The following CCDC7 variants were observed in gnomAD, a reference collection of about 807,000 sequenced individuals.
The protein encoded by CCDC7 is coiled-coil domain containing 7.
In CCDC7, 183 loss-of-function variants were observed where a neutral mutation model predicts 196.9. That is an observed-to-expected ratio of 0.93 (90% confidence interval 0.82 to 1.05). The LOEUF is 1.05. Among genes scored for constraint, CCDC7 ranks in the 50% least tolerant of loss-of-function variants. The pLI is 0.00. For synonymous variants in CCDC7, 525 were observed against 484.6 expected (o/e 1.08, Z -1.10); for missense variants, 1,540 against 1,482.2 (o/e 1.04, Z -0.64).
chr10:32,848,495 A>G, intron 38 of CCDC7, 101 bp from the exon 40 acceptor site: 2 of 889,820 alleles, frequency 2.2e-6, no homozygotes, highest in Non-Finnish European at 3.4e-6. Context: ...GTGGGAAGAA[A>G]AATTACCAAG....
intron 28 of CCDC7, among the ~76,000 whole-genome samples, chr10:32,731,553 T>G (rs1296107091): frequency 6.6e-6 from 1 of 152,216 alleles, no homozygotes; most frequent in Non-Finnish European, 1.5e-5. Context: ...TTATAAAAAC[T>G]TTTTAAAATG....
chr10:32,653,323 G>A (rs1032563703), intron 20 of CCDC7, among the ~76,000 whole-genome samples: 3 of 152,032 alleles, frequency 2.0e-5, no homozygotes, highest in Non-Finnish European at 4.4e-5. Flanking sequence ...CTAACCTGGT[G>A]CTGTGTTTTA....
At chr10:32,509,448 C>T (rs1021987053) in intron 9 of CCDC7, among the ~76,000 whole-genome samples, 11 of 150,994 alleles carry the variant, frequency 7.3e-5, no homozygotes, top group African/African-American at 2.7e-4. Context: ...CGTAAAACTC[C>T]TCGATGAAAA....
intron 21 of CCDC7, among the ~76,000 whole-genome samples, chr10:32,665,936 A>G (rs1319641429): frequency 6.6e-6 from 1 of 151,838 alleles, no homozygotes; most frequent in Non-Finnish European, 1.5e-5. Flanking sequence ...ATTTATTCCT[A>G]GGAACTTAAT....
At chr10:32,573,790 C>T (rs2057869298) in intron 16 of CCDC7, among the ~76,000 whole-genome samples, 1 of 152,098 alleles carries the variant, frequency 6.6e-6, no homozygotes, top group African/African-American at 2.4e-5. Flanking sequence ...TAATTCATTT[C>T]AATTCAGTTT....
chr10:32,592,252 C>T (rs1046504421), intron 18 of CCDC7, among the ~76,000 whole-genome samples: 3 of 151,966 alleles, frequency 2.0e-5, no homozygotes, highest in African/African-American at 7.2e-5. Context: ...TTCAATCTAG[C>T]TAAATGTCTC....
At chr10:32,876,237 T>A in intron 41 of CCDC7, 110 bp from the exon 43 acceptor site, 1 of 772,228 alleles carries the variant, frequency 1.3e-6, no homozygotes, top group East Asian at 2.8e-5. Context: ...ATTTTCATTG[T>A]TTATATTATT....
intron 16 of CCDC7, among the ~76,000 whole-genome samples, chr10:32,578,199 G>A (rs1237599975): frequency 6.6e-6 from 1 of 151,996 alleles, no homozygotes; most frequent in East Asian, 1.9e-4. Flanking sequence ...TGTAAAATGT[G>A]ATATCACCAC....
chr10:32,479,892 A>T (rs1168916927), intron 8 of CCDC7, among the ~76,000 whole-genome samples: 2 of 146,586 alleles, frequency 1.4e-5, no homozygotes, highest in African/African-American at 5.0e-5. Flanking sequence ...CTTATTAATT[A>T]CTAGTCTGTT....
chr10:32,862,987 T>C (rs1045134666), intron 41 of CCDC7, among the ~76,000 whole-genome samples: 6 of 152,006 alleles, frequency 3.9e-5, no homozygotes, highest in Admixed American at 3.9e-4. Flanking sequence ...AAAACATTGA[T>C]GGAAGAAATT....
intron 11 of CCDC7, among the ~76,000 whole-genome samples, chr10:32,534,633 A>G (rs1208940483): frequency 6.6e-6 from 1 of 152,126 alleles, no homozygotes; most frequent in Non-Finnish European, 1.5e-5. Flanking sequence ...CAGCTCTAGT[A>G]AATGATGAGA....
intron 29 of CCDC7, among the ~76,000 whole-genome samples, chr10:32,802,128 G>A (rs761601362): frequency 9.2e-5 from 14 of 152,086 alleles, no homozygotes; most frequent in Non-Finnish European, 1.8e-4. Flanking sequence ...CTCACTTAGG[G>A]CAACCTTAGA....
At chr10:32,800,354 A>G (rs1281384450) in intron 29 of CCDC7, among the ~76,000 whole-genome samples, 2 of 152,152 alleles carry the variant, frequency 1.3e-5, no homozygotes, top group African/African-American at 2.4e-5. Context: ...CAGGGAGCCA[A>G]TGTGGAGGTT....
intron 29 of CCDC7, among the ~76,000 whole-genome samples, chr10:32,793,465 T>C (rs1197809569): frequency 6.6e-6 from 1 of 152,214 alleles, no homozygotes; most frequent in East Asian, 1.9e-4. Flanking sequence ...CATGTTTTTT[T>C]CTCCCTTTCT....
intron 37 of CCDC7, 70 bp from the exon 39 acceptor site, chr10:32,847,763 G>T (rs942686530): frequency 2.2e-6 from 2 of 900,516 alleles, no homozygotes; most frequent in African/African-American, 1.7e-5. Flanking sequence ...AAAGAAAAAA[G>T]AACTAAAATA....
intron 13 of CCDC7, among the ~76,000 whole-genome samples, chr10:32,550,707 C>A (rs2053337804): frequency 6.6e-6 from 1 of 151,984 alleles, no homozygotes; most frequent in African/African-American, 2.4e-5. Context: ...CATTTATTGA[C>A]TTGGGTATAT....
intron 3 of CCDC7, among the ~76,000 whole-genome samples, chr10:32,457,700 T>C (rs2034661336): frequency 6.6e-6 from 1 of 152,158 alleles, no homozygotes; most frequent in African/African-American, 2.4e-5. Context: ...TTTATTATCT[T>C]TTTTCTTTTT....
intron 18 of CCDC7, among the ~76,000 whole-genome samples, chr10:32,589,690 C>T (rs1016980028): frequency 6.6e-6 from 1 of 152,064 alleles, no homozygotes; most frequent in Non-Finnish European, 1.5e-5. Flanking sequence ...CTATGTCTTT[C>T]TTTAGCTTTA....
chr10:32,823,285 G>A (rs577950915), intron 31 of CCDC7, among the ~76,000 whole-genome samples: 1 of 152,086 alleles, frequency 6.6e-6, no homozygotes, highest in South Asian at 2.1e-4. Context: ...TGGGACTAAG[G>A]CGCACGCCAC....
Sources: gnomAD v4.1 joint callset for allele counts (sites outside exome capture counted in the v4.1 genomes callset) on GRCh38, gnomAD v4.1.1 for gene constraint, MANE v1.5 for transcripts, NCBI Gene and HGNC (gene_info 2026-07-23, HGNC 2026-07-21) for gene names.